The following EPG5 variants were observed in gnomAD, a reference collection of about 807,000 sequenced individuals.
EPG5 encodes the protein ectopic P-granules 5 autophagy tethering factor, also known as ectopic P granules protein 5 homolog.
Under a neutral mutation model 302.7 loss-of-function variants are expected in EPG5, and 159 were observed. That is an observed-to-expected ratio of 0.53 (90% CI 0.46 to 0.60). The LOEUF (loss-of-function observed/expected upper bound fraction) is 0.60. Among genes scored for constraint, EPG5 ranks in the 20% least tolerant of loss-of-function variants. The pLI is 0.00. For synonymous variants in EPG5, 1,158 were observed against 1,136.8 expected (o/e 1.02, Z -0.37); for missense variants, 2,896 against 3,092.4 (o/e 0.94, Z 1.51).
intron 27 of EPG5, among the ~76,000 whole-genome samples, chr18:45,895,665 C>T (rs551665517): frequency 2.0e-4 from 31 of 152,288 alleles, no homozygotes; most frequent in African/African-American, 7.2e-4. Context: ...GATGTGACTA[C>T]ATAAAGTTCA....
intron 11 of EPG5, among the ~76,000 whole-genome samples, chr18:45,933,961 G>C (rs2050458985): frequency 6.6e-6 from 1 of 151,886 alleles, no homozygotes; most frequent in Non-Finnish European, 1.5e-5. Flanking sequence ...TAATTAAATG[G>C]TGTTTTTCAT....
chr18:45,962,342 C>T (rs986304769), intron 1 of EPG5, among the ~76,000 whole-genome samples: 33 of 152,258 alleles, frequency 2.2e-4, no homozygotes, highest in African/African-American at 6.5e-4. Flanking sequence ...TAGCAATTAC[C>T]AGATGTTCTC....
chr18:45,849,920 T>A lies in EPG5; in HGVS notation c.*2547A>T, dbSNP rs1241556674. ...ATCTGGCAGGACCTCCCTCCCTCTA[T>A]GTCTGGTGTGTTCCAGCATTCTGCC... On this transcript the variant is annotated 3_prime_UTR_variant, in exon 44 of 44. Coordinates refer to ENST00000282041, the MANE Select transcript of EPG5 (RefSeq NM_020964.3). The A allele has an allele frequency of 6.6e-6, 1 of 152,254 alleles. No individual in the cohort carries two copies. The highest frequency in any genetic ancestry group is 2.4e-5 in the African/African-American group (1 of 41,456). The allele number at this position is 152,254 out of a possible 1,614,324, so 9.4% of individuals were successfully genotyped here.
At chr18:45,937,663 T>C (rs547454342) in intron 10 of EPG5, among the ~76,000 whole-genome samples, 79 of 152,292 alleles carry the variant, frequency 5.2e-4, no homozygotes, top group Non-Finnish European at 5.6e-4. Context: ...CACCTCAGCC[T>C]ACCAAAGTGC....
At chr18:45,967,075 G>A (rs2051281291) in intron 1 of EPG5, 102 bp downstream of exon 1, 1 of 1,149,970 alleles carries the variant, frequency 8.7e-7, no homozygotes, top group Non-Finnish European at 1.2e-6. Context: ...AAGATGCAGA[G>A]GGCTCAGGGA....
At chr18:45,805,593 T>C in the EPG5 span, among the ~76,000 whole-genome samples, 1 of 152,062 alleles carries the variant, frequency 6.6e-6, no homozygotes, top group Non-Finnish European at 1.5e-5. Context: ...CTTGTTGTAA[T>C]GGCTTAAAAA....
intron 34 of EPG5, among the ~76,000 whole-genome samples, chr18:45,877,066 G>A (rs575012604): frequency 6.6e-6 from 1 of 152,180 alleles, no homozygotes; most frequent in Non-Finnish European, 1.5e-5. Flanking sequence ...TTACAGGCAT[G>A]AGCCACCACG....
intron 3 of EPG5, among the ~76,000 whole-genome samples, chr18:45,951,903 A>G (rs57011365): frequency 0.1 from 15,759 of 152,208 alleles, 1,220 homozygotes; most frequent in East Asian, 0.29. Flanking sequence ...TAATTCAACA[A>G]GCATACTTAA....
intron 10 of EPG5, among the ~76,000 whole-genome samples, chr18:45,937,229 T>TAC (rs1348529551): frequency 1.5e-5 from 1 of 68,284 alleles, no homozygotes; most frequent in East Asian, 6.5e-4. Context: ...TATATATACA[T>TAC]ATATATACAC....
In EPG5 at chr18:45,867,663, G is replaced by A. The variant is rs766396310; in HGVS notation, c.6311C>T (p.Ala2104Val). ...TTCTGGGTGGGGACTGGAATTCCAG[G>A]CATCAGAGAGCACACTAACCCAGTT... ...EVNWVSVLSD[A>V]WNSSPHPETR... Residue 2104 changes from alanine to valine, a missense_variant, in exon 37 of 44, where the codon GCC becomes GTC. By Grantham distance (64) the Ala-to-Val change is moderately conservative. Transcript: ENST00000282041. The A allele has an allele frequency of 1.2e-6, 2 of 1,613,950 alleles. No individual in the cohort carries two copies. Among genetic ancestry groups the A allele is most frequent in the South Asian group, 1.1e-5 (1 of 91,074 alleles).
the EPG5 span, chr18:45,840,303 G>A: frequency 2.0e-3 from 3,138 of 1,550,206 alleles, 14 homozygotes; most frequent in Middle Eastern, 0.012. Context: ...ATCACCCAGG[G>A]GGTCCAGGCA....
chr18:45,831,731 A>C, the EPG5 span, among the ~76,000 whole-genome samples: 1 of 145,952 alleles, frequency 6.9e-6, no homozygotes, highest in Non-Finnish European at 1.5e-5. Flanking sequence ...TGTAGTGTCC[A>C]GGTACCAACA....
chr18:45,893,686 T>C (rs1289937878), intron 27 of EPG5, among the ~76,000 whole-genome samples: 1 of 152,168 alleles, frequency 6.6e-6, no homozygotes, highest in Non-Finnish European at 1.5e-5. Flanking sequence ...CCATCCTTAC[T>C]GCTTCCCAAG....
chr18:45,840,089 T>C, the EPG5 span: 1 of 1,055,356 alleles, frequency 9.5e-7, no homozygotes, highest in Non-Finnish European at 1.4e-6. Flanking sequence ...GCTAGTCTGC[T>C]GTTTGCTTCA....
At chr18:45,817,098 A>T in the EPG5 span, among the ~76,000 whole-genome samples, 26 of 152,306 alleles carry the variant, frequency 1.7e-4, no homozygotes, top group Middle Eastern at 3.4e-3. Flanking sequence ...TACACAATGA[A>T]TTTTGGAGAC....
chr18:45,830,485 T>C, the EPG5 span, among the ~76,000 whole-genome samples: 1 of 152,270 alleles, frequency 6.6e-6, no homozygotes, highest in African/African-American at 2.4e-5. Flanking sequence ...GGGGGGAATT[T>C]CGCTATGAAA....
chr18:45,926,587 G>A (rs557203772), intron 13 of EPG5, among the ~76,000 whole-genome samples: 2 of 152,216 alleles, frequency 1.3e-5, no homozygotes, highest in African/African-American at 4.8e-5. Context: ...AGCACTTTGG[G>A]GGGCCCAGGT....
Position 45,939,677 on chromosome 18 carries a change from G to A in EPG5, c.2022C>T (p.Pro674=), listed in dbSNP as rs760628080. The A allele has an allele frequency of 1.2e-6, 2 of 1,614,064 alleles. No homozygotes were observed. Among genetic ancestry groups the A allele is most frequent in the African/African-American group, 1.3e-5 (1 of 75,034 alleles). The part of the protein sequence containing the change: ...HNQGSGLAQQ[P]YSMEKLQVEF... ...CAACCTGTAGTTTCTCCATAGAGTA[G>A]GGCTGTTGGGCCAATCCTGAGCCTT... Residue 674 remains proline (P), a synonymous_variant, in exon 10 of 44, where the codon CCC becomes CCT. Coordinates refer to ENST00000282041, the MANE Select transcript of EPG5 (RefSeq NM_020964.3).
In EPG5 at chr18:45,866,902, G is replaced by GT; in HGVS notation, c.6516_6517insA (p.Pro2173ThrfsTer13). 6.2e-7 allele frequency: 1 copy of GT among 1,613,932 alleles called. No homozygotes were observed. The highest frequency in any genetic ancestry group is 8.5e-7 in the Non-Finnish European group (1 of 1,179,846). ...TCTTTTGCCAGGATGATGGACGGCG[G>GT]GTAATGGCTGCTGAAATAACTTAGC... On this transcript the variant is annotated frameshift_variant, in exon 38 of 44. Coordinates refer to ENST00000282041, the MANE Select transcript of EPG5 (RefSeq NM_020964.3). LOFTEE classifies it high-confidence loss of function.
Sources: allele counts gnomAD v4.1 joint callset (sites outside exome capture counted in the v4.1 genomes callset), GRCh38; gene constraint gnomAD v4.1.1; transcripts MANE v1.5; gene names NCBI Gene and HGNC (gene_info 2026-07-23, HGNC 2026-07-21).